The following HECTD2 variants were observed in gnomAD, a reference collection of about 807,000 sequenced individuals.
HECTD2 encodes the protein probable E3 ubiquitin-protein ligase HECTD2.
In HECTD2, 35 loss-of-function variants were observed where a neutral mutation model predicts 103.2. The observed-to-expected ratio is 0.34, with a 90% confidence interval of 0.26 to 0.45. The LOEUF is 0.45. HECTD2 is among the 20% of genes least tolerant of loss of function. The pLI, the probability that HECTD2 is intolerant of heterozygous loss-of-function variation, is 1.00. For missense variants in HECTD2, 596 were observed against 937.4 expected (o/e 0.64, Z 4.76); for synonymous variants, 281 against 329.9 (o/e 0.85, Z 1.61).
At chr10:91,511,861 G>GTTAT (rs940945609) in intron 20 of HECTD2, among the ~76,000 whole-genome samples, 7 of 152,084 alleles carry the variant, frequency 4.6e-5, no homozygotes, top group African/African-American at 1.4e-4. Flanking sequence ...ACCTGATTAG[G>GTTAT]TTATTAAACA....
rs772877003 is a variant in HECTD2 at position 91,483,004 on chromosome 10, A to G, written c.749A>G (p.Tyr250Cys). The G allele has an allele frequency of 1.5e-5, 24 of 1,581,268 alleles. No individual in the cohort carries two copies. In the East Asian group the frequency reaches 1.6e-4, roughly 10 times the overall value. Residue 250 changes from tyrosine (Y) to cysteine (C), a missense_variant, in exon 8 of 21, where the codon TAT (tyrosine) becomes TGT (cysteine). Transcript: ENST00000298068. ...QFNNTSTYVI[Y>C]AHLLRQIATL... is the part of the protein sequence containing the mutation. ...AATAACACATCTACGTATGTCATCT[A>G]TGCTCACTTGCTACGACAGATAGCT...
chr10:91,475,539 AAG>A (rs1316546365), intron 5 of HECTD2, among the ~76,000 whole-genome samples: 12 of 152,118 alleles, frequency 7.9e-5, no homozygotes, highest in African/African-American at 2.9e-4. Context: ...TGACTTTAAT[AAG>A]AGTCTAGTAA....
At chr10:91,473,850 ATAGT>A (rs749802202) in intron 5 of HECTD2, among the ~76,000 whole-genome samples, 10 of 152,152 alleles carry the variant, frequency 6.6e-5, no homozygotes, top group Non-Finnish European at 1.5e-4. Flanking sequence ...TAGGCTATTG[ATAGT>A]TAAGTTTTGG....
At position 91,485,431 on chromosome 10, in the gene HECTD2, C is replaced by A. The variant is rs187058490; in HGVS notation, c.1094+128C>A. On this transcript the variant is annotated intron_variant, in intron 10 of 20. Transcript: ENST00000298068. The stretch of plus-strand genomic sequence containing the variant: ...AAATGTATAAATATAGTTCAGATAG[C>A]CTTGAAATATCATATTTATTAAAGT... 372 of 604,208 alleles carry A rather than the reference C, an allele frequency of 6.2e-4. 1 individual carries two copies. In the African/African-American group the frequency reaches 6.5e-3, roughly 11 times the overall value. The allele number at this position is 604,208 out of a possible 1,614,324, so 37.4% of individuals were successfully genotyped here.
intron 1 of HECTD2, among the ~76,000 whole-genome samples, chr10:91,419,278 A>C (rs1278625392): frequency 6.6e-6 from 1 of 152,204 alleles, no homozygotes; most frequent in Non-Finnish European, 1.5e-5. Flanking sequence ...TGGTAGAAAA[A>C]TATGACGAAG....
intron 2 of HECTD2, among the ~76,000 whole-genome samples, chr10:91,440,150 T>G (rs1201040284): frequency 6.6e-6 from 1 of 151,750 alleles, no homozygotes; most frequent in Non-Finnish European, 1.5e-5. Context: ...CATCCTTGTC[T>G]TGTGTCAGTT....
intron 1 of HECTD2, among the ~76,000 whole-genome samples, chr10:91,421,525 T>C (rs534398120): frequency 6.6e-6 from 1 of 152,328 alleles, no homozygotes; most frequent in South Asian, 2.1e-4. Flanking sequence ...AAAAAATTTA[T>C]AATGTTTTAA....
At chr10:91,491,127 A>G (rs926185828) in intron 11 of HECTD2, 73 bp from the exon 12 acceptor site, 3 of 694,702 alleles carry the variant, frequency 4.3e-6, no homozygotes, top group South Asian at 1.7e-5. Flanking sequence ...TATTTTTACT[A>G]AAGTGTTTAA....
At chr10:91,409,854 A>G (rs1014959914), upstream of HECTD2, among the ~76,000 whole-genome samples, 5 of 152,196 alleles carry the variant, frequency 3.3e-5, no homozygotes, top group African/African-American at 1.2e-4. Flanking sequence ...CCACCAGCCC[A>G]GACCCCGAGG....
At chr10:91,490,673 C>T (rs1290429639) in intron 11 of HECTD2, among the ~76,000 whole-genome samples, 15 of 151,546 alleles carry the variant, frequency 9.9e-5, no homozygotes, top group East Asian at 1.9e-4. Flanking sequence ...GGGCGGATCA[C>T]GAGGTCAGGA....
At chr10:91,493,321 G>T in intron 13 of HECTD2, 99 bp from the exon 14 acceptor site, 1 of 516,404 alleles carries the variant, frequency 1.9e-6, no homozygotes, top group South Asian at 5.5e-5. Context: ...TTGTTGAATT[G>T]ATTAGCTTCT....
chr10:91,502,135 G>A (rs545175366), intron 20 of HECTD2, among the ~76,000 whole-genome samples: 18 of 151,960 alleles, frequency 1.2e-4, no homozygotes, highest in Non-Finnish European at 2.1e-4. Flanking sequence ...TCATATTTCC[G>A]TGGGAAATAA....
At chr10:91,433,289 AAAAT>A (rs903115702) in intron 2 of HECTD2, among the ~76,000 whole-genome samples, 1 of 151,996 alleles carries the variant, frequency 6.6e-6, no homozygotes, top group African/African-American at 2.4e-5. Context: ...CAAAACTATA[AAAAT>A]AAATATGTTT....
At chr10:91,472,566 G>A (rs1238391161) in intron 5 of HECTD2, among the ~76,000 whole-genome samples, 1 of 152,086 alleles carries the variant, frequency 6.6e-6, no homozygotes, top group East Asian at 1.9e-4. Context: ...ATCCAACAGA[G>A]GTCTAATATC....
chr10:91,426,387 G>A (rs1343461503), intron 2 of HECTD2, among the ~76,000 whole-genome samples: 1 of 151,894 alleles, frequency 6.6e-6, no homozygotes, highest in Non-Finnish European at 1.5e-5. Flanking sequence ...CATAGTTTCT[G>A]GTAAATCACC....
intron 14 of HECTD2, among the ~76,000 whole-genome samples, chr10:91,494,879 ACT>A (rs1846609681): frequency 2.0e-5 from 3 of 151,708 alleles, no homozygotes; most frequent in South Asian, 2.1e-4. Flanking sequence ...TGATATTTTG[ACT>A]CTAATATTTA....
At chr10:91,444,420 G>T (rs1384644771) in intron 2 of HECTD2, among the ~76,000 whole-genome samples, 2 of 152,274 alleles carry the variant, frequency 1.3e-5, no homozygotes, top group South Asian at 4.1e-4. Flanking sequence ...GAAACCAGAA[G>T]CCCAGATGGG....
intron 2 of HECTD2, among the ~76,000 whole-genome samples, chr10:91,429,137 A>T (rs1354854622): frequency 6.6e-6 from 1 of 151,718 alleles, no homozygotes; most frequent in Non-Finnish European, 1.5e-5. Flanking sequence ...TGAGAAAATC[A>T]TGTGGTTTTT....
At chr10:91,504,346 T>C (rs1381613662) in intron 20 of HECTD2, among the ~76,000 whole-genome samples, 2 of 151,930 alleles carry the variant, frequency 1.3e-5, no homozygotes, top group East Asian at 3.9e-4. Context: ...GGGAGGACAT[T>C]CAAACCAAAG....
Sources: gnomAD v4.1 joint callset for allele counts (sites outside exome capture counted in the v4.1 genomes callset) on GRCh38, gnomAD v4.1.1 for gene constraint, MANE v1.5 for transcripts, NCBI Gene and HGNC (gene_info 2026-07-23, HGNC 2026-07-21) for gene names.